Variants in ADGRB3 observed in about 807,000 individuals in gnomAD.
ADGRB3 encodes the protein brain-specific angiogenesis inhibitor 3.
In ADGRB3, 37 loss-of-function variants were observed where a neutral mutation model predicts 193.4. The observed-to-expected ratio is 0.19, with a 90% CI of 0.15 to 0.25. The LOEUF (loss-of-function observed/expected upper bound fraction) is 0.25. Among genes scored for constraint, ADGRB3 ranks in the 10% least tolerant of loss-of-function variants. The probability of loss-of-function intolerance (pLI) is 1.00; values close to 1 mark genes in which losing one functional copy is unlikely to be tolerated. For missense variants in ADGRB3, 1,637 were observed against 1,852.9 expected (o/e 0.88, Z 2.14); for synonymous variants, 690 against 644.2 (o/e 1.07, Z -1.08).
At chr6:68,750,585 A>C (rs1766178737) in intron 3 of ADGRB3, among the ~76,000 whole-genome samples, 1 of 152,152 alleles carries the variant, frequency 6.6e-6, no homozygotes, top group African/African-American at 2.4e-5. Context: ...TTTGTTAGTA[A>C]ATATTTTTTC....
chr6:68,770,821 T>C (rs1435342435), intron 3 of ADGRB3, among the ~76,000 whole-genome samples: 3 of 152,126 alleles, frequency 2.0e-5, no homozygotes, highest in Admixed American at 6.6e-5. Context: ...ATGAGGAGAA[T>C]TGAGTCCCAC....
At chr6:69,134,467 A>G (rs779528016) in intron 17 of ADGRB3, among the ~76,000 whole-genome samples, 5 of 152,106 alleles carry the variant, frequency 3.3e-5, no homozygotes, top group Non-Finnish European at 5.9e-5. Context: ...ATTGGGAACC[A>G]TAGCTTTTAC....
At chr6:69,340,754 A>T (rs898012613) in intron 26 of ADGRB3, among the ~76,000 whole-genome samples, 2 of 152,040 alleles carry the variant, frequency 1.3e-5, no homozygotes, top group African/African-American at 4.8e-5. Context: ...TCCTAATGCC[A>T]TCCCTCCTCT....
rs1465751039 is a variant in ADGRB3 at position 69,018,460 on chromosome 6, A to G, written c.2068A>G (p.Met690Val). The G allele has an allele frequency of 6.2e-7, 1 of 1,608,594 alleles. No individual in the cohort carries two copies. The highest frequency in any genetic ancestry group is 8.5e-7 in the Non-Finnish European group (1 of 1,175,878). The change falls in exon 13 of 32, where the codon ATG (methionine) becomes GTG (valine). Residue 690 changes from methionine to valine, a missense_variant. This residue lies in a region of ADGRB3 where 641 missense variants were observed against 673.9 expected (regional missense o/e 0.95). Coordinates refer to ENST00000370598, the MANE Select transcript of ADGRB3 (RefSeq NM_001704.3). ...TATACACATTGTTGGAATGGGGATG[A>G]TGGACTTTCAGAATTCATACTTAAT... is the stretch of plus-strand genomic sequence containing the variant. ...DFIHIVGMGM[M>V]DFQNSYLMTG...
intron 3 of ADGRB3, among the ~76,000 whole-genome samples, chr6:68,770,159 C>G (rs758931426): frequency 6.6e-6 from 1 of 151,904 alleles, no homozygotes; most frequent in African/African-American, 2.4e-5. Context: ...CAGTTTTATC[C>G]CAGGGCTCTT....
intron 17 of ADGRB3, among the ~76,000 whole-genome samples, chr6:69,207,355 G>A (rs1254144125): frequency 6.6e-6 from 1 of 152,180 alleles, no homozygotes; most frequent in African/African-American, 2.4e-5. Context: ...GTTGATAAAT[G>A]TGCCAGAGTA....
intron 11 of ADGRB3, among the ~76,000 whole-genome samples, chr6:68,994,648 C>G (rs938299861): frequency 6.6e-6 from 1 of 152,108 alleles, no homozygotes; most frequent in Non-Finnish European, 1.5e-5. Flanking sequence ...CTACAGTTTG[C>G]GTTTCAGATT....
At chr6:69,238,092 A>T (rs1561962478) in intron 19 of ADGRB3, among the ~76,000 whole-genome samples, 1 of 152,032 alleles carries the variant, frequency 6.6e-6, no homozygotes, top group Non-Finnish European at 1.5e-5. Flanking sequence ...CCTCAAAGAC[A>T]GGGAGAGAGA....
chr6:68,664,414 T>C (rs1768747075), intron 3 of ADGRB3, among the ~76,000 whole-genome samples: 1 of 151,808 alleles, frequency 6.6e-6, no homozygotes, highest in Admixed American at 6.6e-5. Flanking sequence ...GGAACTTTCG[T>C]GAATGAGATT....
At chr6:69,388,148 A>G (rs1302118431) in intron 31 of ADGRB3, among the ~76,000 whole-genome samples, 1 of 152,158 alleles carries the variant, frequency 6.6e-6, no homozygotes, top group Non-Finnish European at 1.5e-5. Context: ...TTCTACAACA[A>G]AAAACTCATA....
At chr6:69,177,175 T>C (rs931282108) in intron 17 of ADGRB3, among the ~76,000 whole-genome samples, 1 of 152,078 alleles carries the variant, frequency 6.6e-6, no homozygotes, top group Non-Finnish European at 1.5e-5. Context: ...TTGGGGTTAG[T>C]TTTTTCTTGT....
chr6:69,348,493 CAAAAAAAAAAA>C (rs5877205), intron 26 of ADGRB3, among the ~76,000 whole-genome samples: 9 of 114,860 alleles, frequency 7.8e-5, no homozygotes, highest in African/African-American at 2.9e-4. Flanking sequence ...CTAAAAAATG[CAAAAAAAAAAA>C]AAAAAAAAAT....
chr6:69,114,745 C>T (rs1272314762), intron 17 of ADGRB3, among the ~76,000 whole-genome samples: 1 of 152,120 alleles, frequency 6.6e-6, no homozygotes, highest in African/African-American at 2.4e-5. Context: ...CCAGTTTTCC[C>T]AACACCATTT....
At chr6:68,734,208 T>C (rs1765830602) in intron 3 of ADGRB3, among the ~76,000 whole-genome samples, 1 of 151,980 alleles carries the variant, frequency 6.6e-6, no homozygotes, top group Non-Finnish European at 1.5e-5. Flanking sequence ...TAGGGTTTTG[T>C]TTCCTTCATG....
At chr6:69,064,838 A>C (rs1415327338) in intron 16 of ADGRB3, among the ~76,000 whole-genome samples, 1 of 152,114 alleles carries the variant, frequency 6.6e-6, no homozygotes, top group Non-Finnish European at 1.5e-5. Flanking sequence ...TAGTCTCAAA[A>C]ATAGTGTTGA....
At chr6:68,965,444 T>TG (rs1427657554) in intron 8 of ADGRB3, among the ~76,000 whole-genome samples, 1 of 129,914 alleles carries the variant, frequency 7.7e-6, no homozygotes, top group Non-Finnish European at 1.7e-5. Context: ...GAGTAGTACA[T>TG]GTTTTTTTTT....
chr6:68,703,408 AGTCATAAAG>A (rs1765275020), intron 3 of ADGRB3, among the ~76,000 whole-genome samples: 1 of 152,164 alleles, frequency 6.6e-6, no homozygotes, highest in African/African-American at 2.4e-5. Context: ...ATCAATTTAT[AGTCATAAAG>A]GTCAGATTCA....
chr6:68,884,828 T>C (rs986158038), intron 3 of ADGRB3, among the ~76,000 whole-genome samples: 1 of 152,192 alleles, frequency 6.6e-6, no homozygotes, highest in Non-Finnish European at 1.5e-5. Context: ...TCTTGGGAGA[T>C]AATTTCAGAC....
At chr6:68,777,846 G>A (rs188611008) in intron 3 of ADGRB3, among the ~76,000 whole-genome samples, 14 of 152,100 alleles carry the variant, frequency 9.2e-5, no homozygotes, top group Admixed American at 7.9e-4. Context: ...CAAAAATACC[G>A]ATTTGATAGC....
Sources: gnomAD v4.1 joint callset for allele counts (sites outside exome capture counted in the v4.1 genomes callset) on GRCh38, gnomAD v4.1.1 for gene constraint, gnomAD v4.1.1 regional missense constraint, MANE v1.5 for transcripts, NCBI Gene and HGNC (gene_info 2026-07-23, HGNC 2026-07-21) for gene names.